Variants in HNF1A observed in about 807,000 individuals in gnomAD.
HNF1A encodes the protein hepatocyte nuclear factor 1-alpha.
HNF1A carries 21 observed loss-of-function variants against 62.2 expected under a neutral mutation model. The ratio of observed to expected loss-of-function variants is 0.34; its 90% CI spans 0.24 to 0.49. The LOEUF is 0.49. HNF1A is among the 20% of genes least tolerant of loss of function. The probability of loss-of-function intolerance (pLI) is 0.99; values close to 1 mark genes in which losing one functional copy is unlikely to be tolerated. For synonymous variants in HNF1A, 374 were observed against 366.8 expected (o/e 1.02, Z -0.22); for missense variants, 687 against 832.3 (o/e 0.83, Z 2.15).
At position 120,996,324 on chromosome 12, in the gene HNF1A, C is replaced by G. The variant is rs746055869; in HGVS notation, c.1018C>G (p.Pro340Ala). The change falls in exon 5 of 10, where the codon CCC becomes GCC. Residue 340 changes from proline to alanine, a missense_variant. Pro to Ala is a conservative substitution (Grantham distance 27). This residue lies in a region of HNF1A where 408 missense variants were observed against 455.3 expected (regional missense o/e 0.90). Transcript: ENST00000257555. The surrounding 1 kb of genome is among the most constrained non-coding windows in gnomAD (Gnocchi z 4.5). ...TAEVPSSSGGPLVTVSTPLHQ... is the reference protein window; with the variant it reads ...TAEVPSSSGGALVTVSTPLHQ... The stretch of plus-strand genomic sequence containing the variant: ...AGAAGTACCCTCAAGCAGCGGCGGT[C>G]CCTTAGTGACAGTGTCTACACCCCT... The G allele has an allele frequency of 1.4e-5, 23 of 1,614,050 alleles. No individual in the cohort carries two copies. Among genetic ancestry groups the G allele is most frequent in the Non-Finnish European group, 8.5e-7 (1 of 1,180,036 alleles).
Position 120,996,799 on chromosome 12 carries a change from A to T in HNF1A, c.1309+57A>T, listed in dbSNP as rs1371521717. On this transcript the variant is annotated intron_variant, in intron 6 of 9. Coordinates refer to ENST00000257555, the MANE Select transcript of HNF1A (RefSeq NM_000545.8). The surrounding 1 kb of genome is among the most constrained non-coding windows in gnomAD (Gnocchi z 4.5). The stretch of plus-strand genomic sequence containing the variant: ...TGGGAGGCTCATGGGGCAACCGCAG[A>T]ATCCAGGAGCTGGAAGAGCCACTGG... 1 of 1,599,946 alleles carries T rather than the reference A, an allele frequency of 6.3e-7. No individual in the cohort carries two copies. Among genetic ancestry groups the T allele is most frequent in the Admixed American group, 1.7e-5 (1 of 57,502 alleles).
chr12:120,989,208 G>A (rs770654760), intron 2 of HNF1A, among the ~76,000 whole-genome samples, 176 bp downstream of exon 2: 10 of 152,182 alleles, frequency 6.6e-5, no homozygotes, highest in Non-Finnish European at 1.3e-4. Flanking sequence ...TCTGTGGGAC[G>A]GGAGTAGACT....
intron 1 of HNF1A, among the ~76,000 whole-genome samples, chr12:120,986,502 C>T (rs1455885878): frequency 6.6e-6 from 1 of 152,234 alleles, no homozygotes; most frequent in African/African-American, 2.4e-5. Flanking sequence ...GCTTTGGAAT[C>T]ACGCAGACCC....
At chr12:120,999,805 C>T (rs1877336813) in intron 9 of HNF1A, among the ~76,000 whole-genome samples, 178 bp downstream of exon 9, 1 of 152,138 alleles carries the variant, frequency 6.6e-6, no homozygotes. Flanking sequence ...GCCCAAGAGG[C>T]ACAGGCGACC....
At chr12:120,986,700 C>T (rs1876528831) in intron 1 of HNF1A, among the ~76,000 whole-genome samples, 1 of 152,226 alleles carries the variant, frequency 6.6e-6, no homozygotes, top group African/African-American at 2.4e-5. Flanking sequence ...CTGCCTCAGC[C>T]TCCCGAGTAG....
chr12:120,980,270 G>T (rs563469210), intron 1 of HNF1A, among the ~76,000 whole-genome samples: 102 of 152,258 alleles, frequency 6.7e-4, no homozygotes, highest in African/African-American at 2.5e-3. Context: ...GGGACCAGAG[G>T]CCTGCAGGGG....
At chr12:120,986,888 C>T (rs1310557692) in intron 1 of HNF1A, among the ~76,000 whole-genome samples, 1 of 152,148 alleles carries the variant, frequency 6.6e-6, no homozygotes, top group Non-Finnish European at 1.5e-5. Flanking sequence ...TGCACCCAGC[C>T]TATCTGTGAC....
At chr12:121,000,757 G>A (rs570945068) in intron 9 of HNF1A, 164 of 434,426 alleles carry the variant, frequency 3.8e-4, no homozygotes, top group African/African-American at 2.2e-3. Flanking sequence ...TCACAGCAGC[G>A]CCTAGATTAG....
Position 120,978,976 on chromosome 12 carries a change from T to C in HNF1A, c.208T>C (p.Ser70Pro). The stretch of plus-strand genomic sequence containing the variant: ...CAATGGGCTGGGGGAGACTCGGGGC[T>C]CCGAGGACGAGACGGACGACGATGG... The part of the protein sequence containing the change: ...LPNGLGETRG[S>P]EDETDDDGED... Residue 70 changes from serine to proline, a missense_variant, in exon 1 of 10, where the codon TCC (serine) becomes CCC (proline). Ser to Pro is a moderately conservative substitution (Grantham distance 74). Coordinates refer to ENST00000257555, the MANE Select transcript of HNF1A (RefSeq NM_000545.8). 1 of 1,607,878 alleles carries C rather than the reference T, an allele frequency of 6.2e-7. No homozygotes were observed. Among genetic ancestry groups the C allele is most frequent in the Middle Eastern group, 1.7e-4 (1 of 6,052 alleles).
At chr12:120,998,199 C>G (rs937985540) in intron 7 of HNF1A, 1 of 233,566 alleles carries the variant, frequency 4.3e-6, no homozygotes, top group Admixed American at 4.9e-5. Flanking sequence ...ATCGCTTGAA[C>G]CTGGGAGGCG....
At chr12:120,997,731 G>A (rs1877186756) in intron 7 of HNF1A, 66 bp downstream of exon 7, 1 of 1,499,286 alleles carries the variant, frequency 6.7e-7, no homozygotes, top group Non-Finnish European at 9.1e-7. Context: ...GGATGCAGGG[G>A]AAAGGGGTGC....
rs754728827 is a variant in HNF1A at position 120,989,032 on chromosome 12, C to T, written c.526C>T (p.Gln176Ter). ...YVRKQREVAQ[Q>*]FTHAGQGGLI... ...CCGCAAGCAGCGAGAGGTGGCGCAGCGTAAGTAATGACCCTACCCCGCATC... is the reference window on the plus strand; with the variant it reads ...CCGCAAGCAGCGAGAGGTGGCGCAGTGTAAGTAATGACCCTACCCCGCATC... The change falls in exon 2 of 10, where the codon CAG becomes TAG. Residue 176 changes from glutamine to a stop codon, truncating the protein, a stop_gained and splice_region_variant. Coordinates refer to ENST00000257555, the MANE Select transcript of HNF1A (RefSeq NM_000545.8). LOFTEE classifies it high-confidence loss of function. 1.9e-6 allele frequency: 3 copies of T among 1,614,054 alleles called. No homozygotes were observed. The highest frequency in any genetic ancestry group is 1.7e-5 in the Admixed American group (1 of 60,028).
rs770690184 is a variant in HNF1A at position 121,001,553 on chromosome 12, G to A, written c.*361G>A. The A allele has an allele frequency of 5.6e-5, 25 of 443,694 alleles. No homozygotes were observed. The highest frequency in any genetic ancestry group is 1.2e-4 in the African/African-American group (6 of 50,978). The allele number at this position is 443,694 out of a possible 1,614,324, so 27.5% of individuals were successfully genotyped here. On this transcript the variant is annotated 3_prime_UTR_variant, in exon 10 of 10. Transcript: ENST00000257555. ...TGGGCCTATGGAGAGCCCTGGGACCGCTACACCACTCTGGCAGCCACACTT... is the reference window on the plus strand; with the variant it reads ...TGGGCCTATGGAGAGCCCTGGGACCACTACACCACTCTGGCAGCCACACTT...
chr12:121,002,295 A>T lies in HNF1A; in HGVS notation c.*1103A>T. On this transcript the variant is annotated 3_prime_UTR_variant, in exon 10 of 10. Transcript: ENST00000257555. ...CCCTGAGGAGTCTGAGGTCCTGAGC[A>T]CTGCCAGGAGGGACAAAGGAGCCTG... is the stretch of plus-strand genomic sequence containing the variant. 1 of 443,424 alleles carries T rather than the reference A, an allele frequency of 2.3e-6. No homozygotes were observed. The highest frequency in any genetic ancestry group is 4.0e-5 in the East Asian group (1 of 24,932). The allele number at this position is 443,424 out of a possible 1,614,324, so 27.5% of individuals were successfully genotyped here.
intron 3 of HNF1A, among the ~76,000 whole-genome samples, 195 bp downstream of exon 3, chr12:120,993,901 C>T (rs1876951379): frequency 6.6e-6 from 1 of 152,162 alleles, no homozygotes; most frequent in Non-Finnish European, 1.5e-5. Flanking sequence ...CCCTGGACAC[C>T]AAGCAACCCC....
chr12:120,983,763 C>G (rs541141816), intron 1 of HNF1A, among the ~76,000 whole-genome samples: 1 of 152,084 alleles, frequency 6.6e-6, no homozygotes, highest in Non-Finnish European at 1.5e-5. Context: ...CCAGGGTGGT[C>G]TCTAACTCCT....
chr12:120,982,459 GA>G (rs1245392114), intron 1 of HNF1A, among the ~76,000 whole-genome samples: 9 of 145,052 alleles, frequency 6.2e-5, no homozygotes, highest in Non-Finnish European at 1.1e-4. Flanking sequence ...GCCACGGCAG[GA>G]GGGGGGGGGG....
chr12:120,984,474 G>A (rs867570702), intron 1 of HNF1A, among the ~76,000 whole-genome samples: 1 of 152,086 alleles, frequency 6.6e-6, no homozygotes, highest in Non-Finnish European at 1.5e-5. Flanking sequence ...TTCTCTTTGT[G>A]GGAGAGAGAA....
At chr12:120,988,700 C>T in intron 1 of HNF1A, 133 bp from the exon 2 acceptor site, 1 of 780,934 alleles carries the variant, frequency 1.3e-6, no homozygotes, top group Non-Finnish European at 2.2e-6. Flanking sequence ...GTGTAGGCCC[C>T]TGGGCTCCAT....
Sources: gnomAD v4.1 joint callset for allele counts (sites outside exome capture counted in the v4.1 genomes callset) on GRCh38, gnomAD v4.1.1 for gene constraint, gnomAD v4.1.1 regional missense constraint, Gnocchi (gnomAD v3.1) non-coding constraint, MANE v1.5 for transcripts, NCBI Gene and HGNC (gene_info 2026-07-23, HGNC 2026-07-21) for gene names.